GALNTL6: variants seen among roughly 807,000 people sequenced by gnomAD.
The protein encoded by GALNTL6 is polypeptide N-acetylgalactosaminyltransferase-like 6.
Under a neutral mutation model 73.7 loss-of-function variants are expected in GALNTL6, and 46 were observed. That is an observed-to-expected ratio of 0.62 (90% CI 0.49 to 0.80). GALNTL6 has a LOEUF of 0.80. Ranked by LOEUF, GALNTL6 falls within the 30% of genes least tolerant of loss-of-function variation. GALNTL6 has a pLI of 0.00. For missense variants in GALNTL6, 604 were observed against 755.0 expected, an observed-to-expected ratio of 0.80 and a Z score of 2.34; for synonymous variants, 259 against 263.7, an observed-to-expected ratio of 0.98 and a Z score of 0.17.
intron 5 of GALNTL6, among the ~76,000 whole-genome samples, chr4:172,616,609 A>T (rs1415862866): frequency 2.9e-5 from 4 of 138,386 alleles, no homozygotes; most frequent in Non-Finnish European, 1.5e-5. Flanking sequence ...ATCACAGTGT[A>T]GAAAGAGTGG....
chr4:172,169,036 T>C (rs1055338365), intron 2 of GALNTL6, among the ~76,000 whole-genome samples: 8 of 152,314 alleles, frequency 5.3e-5, no homozygotes, highest in African/African-American at 1.9e-4. Context: ...TTAAGTTAGT[T>C]TATGTTTGGG....
intron 5 of GALNTL6, among the ~76,000 whole-genome samples, chr4:172,724,731 C>T (rs909587978): frequency 8.6e-5 from 13 of 151,870 alleles, no homozygotes; most frequent in Non-Finnish European, 1.6e-4. Flanking sequence ...TCAGTTTTTA[C>T]GTCAAAATAT....
At chr4:172,076,400 T>C (rs1731705633) in intron 2 of GALNTL6, among the ~76,000 whole-genome samples, 2 of 152,226 alleles carry the variant, frequency 1.3e-5, no homozygotes, top group South Asian at 4.1e-4. Context: ...GATGGGATAA[T>C]AACATTCTTT....
intron 5 of GALNTL6, among the ~76,000 whole-genome samples, chr4:172,494,822 C>T (rs547098553): frequency 3.2e-4 from 48 of 152,276 alleles, no homozygotes; most frequent in African/African-American, 1.0e-3. Context: ...TTATTCTAGC[C>T]GCACTGGCAG....
chr4:173,015,133 T>C (rs1752725610), intron 11 of GALNTL6, among the ~76,000 whole-genome samples: 1 of 152,194 alleles, frequency 6.6e-6, no homozygotes, highest in Non-Finnish European at 1.5e-5. Context: ...TGATTGTAAG[T>C]TTCCTGAGGC....
chr4:172,072,975 C>CTTA (rs1236965217), intron 2 of GALNTL6, among the ~76,000 whole-genome samples: 1 of 152,162 alleles, frequency 6.6e-6, no homozygotes, highest in African/African-American at 2.4e-5. Context: ...CCAACGTGAT[C>CTTA]TTATACCTGC....
intron 2 of GALNTL6, among the ~76,000 whole-genome samples, chr4:171,929,344 T>C (rs114735253): frequency 0.016 from 2,397 of 152,266 alleles, 68 homozygotes; most frequent in African/African-American, 0.055. Flanking sequence ...AGTGCTGGGA[T>C]TTTAGACGTG....
chr4:172,131,918 C>T (rs1733509759), intron 2 of GALNTL6, among the ~76,000 whole-genome samples: 1 of 151,902 alleles, frequency 6.6e-6, no homozygotes, highest in Non-Finnish European at 1.5e-5. Context: ...CTTCTCATGG[C>T]AGAGAATCAA....
chr4:172,940,054 T>C (rs1225844726), intron 9 of GALNTL6, among the ~76,000 whole-genome samples: 1 of 151,970 alleles, frequency 6.6e-6, no homozygotes, highest in East Asian at 1.9e-4. Flanking sequence ...ACATAGACAC[T>C]AAAAAAGAAA....
intron 2 of GALNTL6, among the ~76,000 whole-genome samples, chr4:171,956,460 A>C (rs111411212): frequency 9.5e-4 from 144 of 152,300 alleles, no homozygotes; most frequent in African/African-American, 3.1e-3. Context: ...GTTGATAAAA[A>C]CCATCCTTGT....
chr4:173,031,854 G>A (rs1753473919), intron 12 of GALNTL6, among the ~76,000 whole-genome samples: 2 of 152,304 alleles, frequency 1.3e-5, no homozygotes, highest in East Asian at 1.9e-4. Flanking sequence ...TAAAGGAAGT[G>A]TACAGGATAA....
At chr4:172,406,061 C>G (rs1744228614) in intron 5 of GALNTL6, among the ~76,000 whole-genome samples, 1 of 151,924 alleles carries the variant, frequency 6.6e-6, no homozygotes, top group African/African-American at 2.4e-5. Context: ...ATTCTCTCTC[C>G]TAATAAGGAA....
intron 10 of GALNTL6, among the ~76,000 whole-genome samples, chr4:172,991,775 A>G (rs1020464771): frequency 1.3e-5 from 2 of 152,166 alleles, no homozygotes; most frequent in South Asian, 4.1e-4. Context: ...TAAGCATAAG[A>G]TATGGTTTTG....
chr4:172,184,826 G>A (rs539076525), intron 2 of GALNTL6, among the ~76,000 whole-genome samples: 1 of 152,200 alleles, frequency 6.6e-6, no homozygotes, highest in Non-Finnish European at 1.5e-5. Flanking sequence ...AGGACAAGGG[G>A]GCTGGGGTGA....
chr4:172,899,871 G>T (rs1373003992), intron 8 of GALNTL6, among the ~76,000 whole-genome samples: 2 of 152,154 alleles, frequency 1.3e-5, no homozygotes, highest in Admixed American at 6.5e-5. Flanking sequence ...CATGGCATTT[G>T]TAAACTGTCA....
chr4:172,163,273 A>C (rs1462113243), intron 2 of GALNTL6, among the ~76,000 whole-genome samples: 1 of 151,960 alleles, frequency 6.6e-6, no homozygotes, highest in African/African-American at 2.4e-5. Flanking sequence ...AAGTCAATTA[A>C]CATTTACCAT....
chr4:172,969,242 C>A (rs1487663998), intron 10 of GALNTL6, among the ~76,000 whole-genome samples: 1 of 151,768 alleles, frequency 6.6e-6, no homozygotes, highest in Admixed American at 6.6e-5. Context: ...AATAAGAGAC[C>A]ATGGAAGGCA....
At chr4:172,243,631 G>A (rs957923512) in intron 3 of GALNTL6, among the ~76,000 whole-genome samples, 8 of 152,040 alleles carry the variant, frequency 5.3e-5, no homozygotes. Flanking sequence ...TCACTAAGCG[G>A]TTTTACTAAT....
At chr4:172,607,824 A>G (rs897475185) in intron 5 of GALNTL6, among the ~76,000 whole-genome samples, 16 of 151,904 alleles carry the variant, frequency 1.1e-4, no homozygotes, top group African/African-American at 3.9e-4. Flanking sequence ...TGTGGTTTTG[A>G]TTTGCATTTC....
Sources: gnomAD v4.1 joint callset for allele counts (sites outside exome capture counted in the v4.1 genomes callset) on GRCh38, gnomAD v4.1.1 for gene constraint, MANE v1.5 for transcripts, NCBI Gene and HGNC (gene_info 2026-07-23, HGNC 2026-07-21) for gene names.